REV3L: variants seen among roughly 807,000 people sequenced by gnomAD.
The protein encoded by REV3L is REV3 like, DNA directed polymerase zeta catalytic subunit, also known as DNA polymerase zeta catalytic subunit.
Under a neutral mutation model 299.4 loss-of-function variants are expected in REV3L, and 69 were observed. The ratio of observed to expected loss-of-function variants is 0.23; its 90% CI spans 0.19 to 0.28. The LOEUF (loss-of-function observed/expected upper bound fraction) is 0.28, where lower values mean the gene tolerates loss of function less well. REV3L is among the 10% of genes least tolerant of loss of function. The probability of loss-of-function intolerance (pLI) is 1.00; values close to 1 mark genes in which losing one functional copy is unlikely to be tolerated. For synonymous variants in REV3L, 1,238 were observed against 1,271.4 expected (o/e 0.97, Z 0.56); for missense variants, 3,128 against 3,693.8 (o/e 0.85, Z 3.97).
At chr6:111,469,679 T>C (rs184382984) in intron 1 of REV3L, among the ~76,000 whole-genome samples, 47 of 152,284 alleles carry the variant, frequency 3.1e-4, no homozygotes, top group African/African-American at 1.1e-3. Context: ...GGGAGACACA[T>C]GGCCCCCATC....
At chr6:111,386,466 T>A (rs139279727) in intron 9 of REV3L, among the ~76,000 whole-genome samples, 1 of 152,170 alleles carries the variant, frequency 6.6e-6, no homozygotes, top group Non-Finnish European at 1.5e-5. Context: ...AGTGAGGATA[T>A]AGAGCCAGAG....
At chr6:111,371,494 G>A (rs752263769) in intron 13 of REV3L, among the ~76,000 whole-genome samples, 47 of 151,640 alleles carry the variant, frequency 3.1e-4, no homozygotes, top group Non-Finnish European at 6.0e-4. Context: ...GGGCTCAAGT[G>A]ATTCTCCTTC....
intron 9 of REV3L, among the ~76,000 whole-genome samples, chr6:111,385,946 C>G (rs1181813069): frequency 6.6e-6 from 1 of 152,122 alleles, no homozygotes; most frequent in African/African-American, 2.4e-5. Flanking sequence ...ATTATTTTAT[C>G]CTTATTATTT....
At chr6:111,393,433 T>C (rs911285658) in intron 4 of REV3L, among the ~76,000 whole-genome samples, 1 of 152,206 alleles carries the variant, frequency 6.6e-6, no homozygotes, top group African/African-American at 2.4e-5. Context: ...ATGCATACAA[T>C]CTGTAATGAC....
intron 11 of REV3L, among the ~76,000 whole-genome samples, chr6:111,379,001 C>A (rs1263761562): frequency 1.3e-5 from 2 of 152,062 alleles, no homozygotes; most frequent in Non-Finnish European, 2.9e-5. Context: ...TTCTAGACAC[C>A]ATGCTTCTAC....
At chr6:111,448,023 C>A (rs1789059337) in intron 1 of REV3L, among the ~76,000 whole-genome samples, 1 of 152,126 alleles carries the variant, frequency 6.6e-6, no homozygotes, top group Non-Finnish European at 1.5e-5. Flanking sequence ...AATCATGGAA[C>A]ACTATCATGT....
Position 111,372,806 on chromosome 6 carries a change from G to A in REV3L, c.5549C>T (p.Pro1850Leu). 3.7e-6 allele frequency: 6 copies of A among 1,613,310 alleles called. No homozygotes were observed. Among genetic ancestry groups the A allele is most frequent in the Non-Finnish European group, 5.1e-6 (6 of 1,179,646 alleles). Residue 1850 changes from proline (P) to leucine (L), a missense_variant, in exon 13 of 32, where the codon CCA becomes CTA. Physicochemically the swap from Pro to Leu is moderately conservative, Grantham distance 98 (BLOSUM62 -3). Coordinates refer to ENST00000368802, the MANE Select transcript of REV3L (RefSeq NM_001372078.1). The stretch of plus-strand genomic sequence containing the variant: ...AGATCTTGGTGAACTATCAGGAGTT[G>A]GTGTCAACATATCATTGTTTCTTGA... The part of the protein sequence containing the change: ...YVSRNNDMLT[P>L]TPDSSPRSTS...
chr6:111,390,008 A>G (rs936316011), intron 6 of REV3L, 78 bp downstream of exon 6: 73 of 968,276 alleles, frequency 7.5e-5, no homozygotes, highest in Non-Finnish European at 6.4e-6. Flanking sequence ...TGCTGGGATT[A>G]CAGGCGTGAG....
intron 21 of REV3L, 95 bp from the exon 22 acceptor site, chr6:111,335,705 G>T (rs1312606807): frequency 1.6e-6 from 2 of 1,255,608 alleles, no homozygotes; most frequent in East Asian, 2.6e-5. Context: ...CATGCTAAAA[G>T]TGAGGTTACT....
chr6:111,429,555 CA>C (rs1339921208), intron 1 of REV3L, among the ~76,000 whole-genome samples: 2 of 150,130 alleles, frequency 1.3e-5, no homozygotes, highest in East Asian at 2.0e-4. Flanking sequence ...GTATGAAGTC[CA>C]AAAGACAAAT....
At position 111,311,278 on chromosome 6, in the gene REV3L, T is replaced by A; in HGVS notation, c.8605-19A>T. 6.4e-7 allele frequency: 1 copy of A among 1,567,084 alleles called. No individual in the cohort carries two copies. The highest frequency in any genetic ancestry group is 1.8e-5 in the Admixed American group (1 of 54,692). On this transcript the variant is annotated intron_variant, in intron 28 of 31. Transcript: ENST00000368802. Reference sequence around the variant, plus strand: ...CAAGTATCTTAAAACAAAAAAGATATGCAAGTAAAGATAAAATATCTCCTA... The same window carrying A: ...CAAGTATCTTAAAACAAAAAAGATAAGCAAGTAAAGATAAAATATCTCCTA...
At chr6:111,425,185 G>A (rs1173921644) in intron 1 of REV3L, among the ~76,000 whole-genome samples, 12 of 152,282 alleles carry the variant, frequency 7.9e-5, no homozygotes, top group East Asian at 3.9e-4. Flanking sequence ...ACTGCCGGGC[G>A]CGGTGGCTCA....
In REV3L at chr6:111,350,478, G is replaced by GA. The variant is rs367887431; in HGVS notation, c.7301-1143dup. ...TAAAACCTATCCCAAAAAAGATATT[G>GA]AAAAAAAAAAAAGATATACCACTAT... On this transcript the variant is annotated intron_variant, in intron 19 of 31. Transcript: ENST00000368802. Among the ~76,000 whole-genome samples, 127 of 138,572 alleles carry GA rather than the reference G, an allele frequency of 9.2e-4. 1 individual carries two copies. Among genetic ancestry groups the GA allele is most frequent in the South Asian group, 5.7e-3 (25 of 4,424 alleles). 90.9% of individuals were successfully genotyped at this position (138,572 alleles called of 152,430 possible). A position where few individuals can be genotyped will look rare whatever the true frequency, so the allele number is the denominator to read the frequency against.
intron 30 of REV3L, 118 bp from the exon 31 acceptor site, chr6:111,307,688 A>C: frequency 1.1e-6 from 1 of 894,266 alleles, no homozygotes; most frequent in East Asian, 2.6e-5. Context: ...CTCATTCAAC[A>C]AATGTTGAGT....
intron 26 of REV3L, among the ~76,000 whole-genome samples, chr6:111,322,179 G>T (rs750453208): frequency 6.6e-6 from 1 of 152,138 alleles, no homozygotes; most frequent in Admixed American, 6.6e-5. Flanking sequence ...TCTGGCAATT[G>T]TCCTTCAAAA....
chr6:111,450,478 CAAAAAAAAA>C lies in REV3L; in HGVS notation c.139+32263_139+32271del, dbSNP rs869119350. On this transcript the variant is annotated intron_variant, in intron 1 of 31. Transcript: ENST00000368802. ...CGGGTGACAGAGCAAGACCCTGTCT[CAAAAAAAAA>C]AAAAAAAAAAAAAAAAAAACCAAAA... Among the ~76,000 whole-genome samples the C allele has an allele frequency of 1.3e-4, 7 of 54,108 alleles. 1 individual carries two copies. Among genetic ancestry groups the C allele is most frequent in the Admixed American group, 5.9e-4 (2 of 3,376 alleles). The allele number at this position is 54,108 out of a possible 152,430, so 35.5% of individuals were successfully genotyped here.
At chr6:111,445,855 G>T (rs1788772618) in intron 1 of REV3L, among the ~76,000 whole-genome samples, 1 of 152,172 alleles carries the variant, frequency 6.6e-6, no homozygotes, top group South Asian at 2.1e-4. Flanking sequence ...AAAAAACAGA[G>T]GGAACAGTTT....
At chr6:111,329,358 T>A (rs905132071) in intron 25 of REV3L, among the ~76,000 whole-genome samples, 174 bp downstream of exon 25, 1 of 151,066 alleles carries the variant, frequency 6.6e-6, no homozygotes, top group Non-Finnish European at 1.5e-5. Flanking sequence ...TTTTTTTTTT[T>A]CTTTTAAAAA....
chr6:111,351,567 T>C, intron 19 of REV3L, 109 bp downstream of exon 19: 1 of 660,526 alleles, frequency 1.5e-6, no homozygotes, highest in Non-Finnish European at 2.6e-6. Flanking sequence ...TTACACAACT[T>C]AGTACTAAAA....
Sources: allele counts gnomAD v4.1 joint callset (sites outside exome capture counted in the v4.1 genomes callset), GRCh38; gene constraint gnomAD v4.1.1; transcripts MANE v1.5; gene names NCBI Gene and HGNC (gene_info 2026-07-23, HGNC 2026-07-21).